Variants in NTPCR observed in about 807,000 individuals in gnomAD.
NTPCR encodes nucleoside-triphosphatase, cancer-related.
In NTPCR, 15 loss-of-function variants were observed where a neutral mutation model predicts 19.5. The ratio of observed to expected loss-of-function variants is 0.77; its 90% CI spans 0.51 to 1.18. NTPCR has a LOEUF of 1.18. Among genes scored for constraint, NTPCR ranks in the 50% most tolerant of loss-of-function variants. NTPCR has a pLI of 0.00. For missense variants in NTPCR, 206 were observed against 240.4 expected (o/e 0.86, Z 0.95); for synonymous variants, 90 against 95.8 (o/e 0.94, Z 0.36).
At chr1:232,962,837 T>A (rs765468171) in intron 3 of NTPCR, 5 of 152,254 alleles carry the variant, frequency 3.3e-5, no homozygotes, top group Non-Finnish European at 5.9e-5. Flanking sequence ...AAATAGGCTC[T>A]GCTTTGGAAA....
intron 3 of NTPCR, chr1:232,967,120 T>G (rs926784002): frequency 6.6e-6 from 1 of 152,222 alleles, no homozygotes; most frequent in Non-Finnish European, 1.5e-5. Context: ...CTCTATCAAT[T>G]TAGAACAATG....
chr1:232,975,188 T>C (rs1368245157), intron 4 of NTPCR, among the ~76,000 whole-genome samples: 1 of 152,210 alleles, frequency 6.6e-6, no homozygotes, highest in Non-Finnish European at 1.5e-5. Flanking sequence ...AGTGAGTGGA[T>C]ATTATCTGAT....
intron 3 of NTPCR, chr1:232,965,977 G>T (rs1319369068): frequency 6.6e-6 from 1 of 152,312 alleles, no homozygotes; most frequent in Non-Finnish European, 1.5e-5. Context: ...GGAAGGGCCG[G>T]GTTACCAGGC....
chr1:232,950,787 G>T, intron 1 of NTPCR, 43 bp downstream of exon 1: 5 of 1,421,612 alleles, frequency 3.5e-6, no homozygotes, highest in Non-Finnish European at 4.8e-6. Context: ...TCGAGGGGGT[G>T]GGGGCGCGCG....
At position 232,982,584 on chromosome 1, in the gene NTPCR, G is replaced by C. The variant is rs1394420537; in HGVS notation, c.*4353G>C. ...CTCATGAACCTCCCCAGAGAAACGG[G>C]ATGGAGGAGCACCCAGGGTGCTCTT... On this transcript the variant is annotated 3_prime_UTR_variant, in exon 5 of 5. Transcript: ENST00000366628. 6.6e-6 allele frequency: 1 copy of C among 152,258 alleles called. No individual in the cohort carries two copies. Among genetic ancestry groups the C allele is most frequent in the Non-Finnish European group, 1.5e-5 (1 of 68,058 alleles). The allele number at this position is 152,258 out of a possible 1,614,324, so 9.4% of individuals were successfully genotyped here. A position where few individuals can be genotyped will look rare whatever the true frequency, so the allele number is the denominator to read the frequency against.
chr1:232,964,082 A>G (rs1046814008), intron 3 of NTPCR: 5 of 152,176 alleles, frequency 3.3e-5, no homozygotes, highest in African/African-American at 1.2e-4. Flanking sequence ...TCAGTTGACA[A>G]TATTCTTTGT....
chr1:232,962,577 A>G (rs1307371576), intron 3 of NTPCR: 3 of 152,338 alleles, frequency 2.0e-5, no homozygotes, highest in Non-Finnish European at 2.9e-5. Flanking sequence ...GATTTTCAAC[A>G]TATCTCCTAC....
At chr1:232,954,358 C>G (rs1668454853) in intron 1 of NTPCR, among the ~76,000 whole-genome samples, 1 of 152,154 alleles carries the variant, frequency 6.6e-6, no homozygotes, top group Admixed American at 6.5e-5. Context: ...AATAATGGAT[C>G]ATATTTTATG....
At chr1:232,971,504 T>C (rs1668978385) in intron 4 of NTPCR, among the ~76,000 whole-genome samples, 1 of 152,148 alleles carries the variant, frequency 6.6e-6, no homozygotes, top group Non-Finnish European at 1.5e-5. Context: ...CCAGCCAGAC[T>C]TGGAAAAATG....
At chr1:232,961,245 G>A (rs1668662319) in intron 3 of NTPCR, among the ~76,000 whole-genome samples, 1 of 152,218 alleles carries the variant, frequency 6.6e-6, no homozygotes, top group Non-Finnish European at 1.5e-5. Context: ...CTTTATACAT[G>A]AATCTTTTTC....
intron 3 of NTPCR, chr1:232,966,262 G>T (rs975129795): frequency 6.6e-6 from 1 of 152,202 alleles, no homozygotes; most frequent in Non-Finnish European, 1.5e-5. Context: ...TAACTTCTGA[G>T]AGACACTCCT....
chr1:232,976,571 A>G, intron 4 of NTPCR: 1 of 1,478,538 alleles, frequency 6.8e-7, no homozygotes, highest in South Asian at 1.4e-5. Flanking sequence ...TGAAAACAGC[A>G]TCAAAAAGCC....
intron 2 of NTPCR, 44 bp downstream of exon 2, chr1:232,955,763 C>T (rs1319926140): frequency 6.3e-7 from 1 of 1,580,632 alleles, no homozygotes; most frequent in East Asian, 2.2e-5. Flanking sequence ...TCTAAGCTCC[C>T]CTTCCATCTG....
intron 3 of NTPCR, chr1:232,968,624 G>A (rs1045539663): frequency 2.0e-5 from 3 of 152,204 alleles, no homozygotes; most frequent in Non-Finnish European, 4.4e-5. Flanking sequence ...GCTGCCCCTG[G>A]TTGCCACTGA....
rs755526908 is a variant in NTPCR, at chr1:232,955,698, G to A, written c.176G>A (p.Arg59Gln). The change falls in exon 2 of 5, where the codon CGG (arginine) becomes CAG (glutamine). Residue 59 changes from arginine to glutamine, a missense_variant. Physicochemically the swap from Arg to Gln is conservative, Grantham distance 43. Transcript: ENST00000366628. ...GFDVVTLSGT[R>Q]GPLSRVGLEP... The stretch of plus-strand genomic sequence containing the variant: ...GATGTCGTCACGTTGTCCGGCACCC[G>A]GGGGCCTTTATCGAGAGTTGGGTAC... The A allele has an allele frequency of 2.3e-5, 37 of 1,612,826 alleles. 1 individual carries two copies. The South Asian group carries it at 2.6e-4, about 11-fold the overall frequency.
chr1:232,956,307 A>T, intron 2 of NTPCR, 40 bp from the exon 3 acceptor site: 1 of 1,422,682 alleles, frequency 7.0e-7, no homozygotes, highest in Non-Finnish European at 9.9e-7. Context: ...AAATCAATAC[A>T]GGAGTTTTTC....
intron 4 of NTPCR, among the ~76,000 whole-genome samples, chr1:232,970,612 A>G (rs1406395480): frequency 2.0e-5 from 3 of 152,244 alleles, no homozygotes; most frequent in Non-Finnish European, 2.9e-5. Context: ...TGAACTTCCC[A>G]GTAGTGAGGG....
chr1:232,975,533 C>T (rs1669102521), intron 4 of NTPCR, among the ~76,000 whole-genome samples: 1 of 152,182 alleles, frequency 6.6e-6, no homozygotes, highest in Admixed American at 6.5e-5. Flanking sequence ...AACAAAACCA[C>T]ATGCATTTCC....
Position 232,960,962 on chromosome 1 carries a change from T to C in NTPCR, c.294+4519T>C, listed in dbSNP as rs1355952314. On this transcript the variant is annotated intron_variant, in intron 3 of 4. Transcript: ENST00000366628. ...TTAGCCAATGTTAGCTTATTTTGTT[T>C]CTGCCCCTTTTGTATACCTGGTTTA... Among the ~76,000 whole-genome samples the C allele has an allele frequency of 2.0e-5, 3 of 152,268 alleles. No individual in the cohort carries two copies. In the East Asian group the frequency reaches 5.8e-4, roughly 29 times the overall value.
Sources: gnomAD v4.1 joint callset for allele counts (sites outside exome capture counted in the v4.1 genomes callset) on GRCh38, gnomAD v4.1.1 for gene constraint, MANE v1.5 for transcripts, NCBI Gene and HGNC (gene_info 2026-07-23, HGNC 2026-07-21) for gene names.